The following NQO2 variants were observed in gnomAD, a reference collection of about 807,000 sequenced individuals.
NQO2 encodes ribosyldihydronicotinamide dehydrogenase [quinone].
Under a neutral mutation model 22.0 loss-of-function variants are expected in NQO2, and 18 were observed. The ratio of observed to expected loss-of-function variants is 0.82; its 90% confidence interval spans 0.56 to 1.21. The LOEUF (loss-of-function observed/expected upper bound fraction) is 1.21, where lower values mean the gene tolerates loss of function less well. Ranked by LOEUF, NQO2 falls within the 50% of genes most tolerant of loss-of-function variation. NQO2 has a pLI of 0.00. For synonymous variants in NQO2, 106 were observed against 110.8 expected (o/e 0.96, Z 0.28); for missense variants, 267 against 286.9 (o/e 0.93, Z 0.50).
chr6:3,015,574 G>T lies in NQO2; in HGVS notation c.348G>T (p.Trp116Cys). 6.2e-7 allele frequency: 1 copy of T among 1,614,180 alleles called. No homozygotes were observed. The highest frequency in any genetic ancestry group is 1.1e-5 in the South Asian group (1 of 91,090). ...GCGTGCCAGCCATCCTGAAGGGCTG[G>T]ATGGATAGGGTGCTGTGCCAGGGCT... ...WFSVPAILKG[W>C]MDRVLCQGFA... The change falls in exon 5 of 7, where the codon TGG becomes TGT. Residue 116 changes from tryptophan to cysteine, a missense_variant. Physicochemically the swap from Trp to Cys is radical, Grantham distance 215 (BLOSUM62 -2). Coordinates refer to ENST00000380455, the MANE Select transcript of NQO2 (RefSeq NM_000904.6).
intron 2 of NQO2, among the ~76,000 whole-genome samples, chr6:3,009,246 C>T (rs1757063987): frequency 6.6e-6 from 1 of 152,196 alleles, no homozygotes; most frequent in South Asian, 2.1e-4. Context: ...AAAAAGAATT[C>T]AGCGATATTT....
chr6:3,015,386 G>A, intron 4 of NQO2, 144 bp from the exon 5 acceptor site: 2 of 1,468,120 alleles, frequency 1.4e-6, no homozygotes, highest in Non-Finnish European at 1.8e-6. Context: ...ACCTTTCAGA[G>A]CTGACCATAA....
rs1312838238 is a variant in NQO2 at position 3,016,894 on chromosome 6, C to T, written c.428C>T (p.Ala143Val). ...YDSGLLQGKL[A>V]LLSVTTGGTA... ...CTTTCTCCCTTGCAGGGTAAACTAG[C>T]GCTCCTTTCCGTAACCACGGGAGGC... Residue 143 changes from alanine to valine, a missense_variant, in exon 6 of 7, where the codon GCG (alanine) becomes GTG (valine). Physicochemically the swap from Ala to Val is moderately conservative, Grantham distance 64 (BLOSUM62 0). Coordinates refer to ENST00000380455, the MANE Select transcript of NQO2 (RefSeq NM_000904.6). 11 of 1,613,630 alleles carry T rather than the reference C, an allele frequency of 6.8e-6. No homozygotes were observed. The highest frequency in any genetic ancestry group is 3.3e-5 in the South Asian group (3 of 91,082).
chr6:3,007,730 T>G (rs1460508195), intron 2 of NQO2, among the ~76,000 whole-genome samples: 1 of 152,242 alleles, frequency 6.6e-6, no homozygotes, highest in Non-Finnish European at 1.5e-5. Context: ...GTCCTCTTTG[T>G]TATCAGCATC....
intron 4 of NQO2, among the ~76,000 whole-genome samples, chr6:3,014,914 G>A (rs1044083303): frequency 2.0e-5 from 3 of 152,168 alleles, no homozygotes; most frequent in Non-Finnish European, 4.4e-5. Flanking sequence ...GGGTTTCAAT[G>A]CCAAGTCCTG....
intron 1 of NQO2, chr6:3,002,205 C>A: frequency 1.0e-6 from 1 of 985,380 alleles, no homozygotes; most frequent in African/African-American, 1.7e-5. Flanking sequence ...TTCATACAAA[C>A]AACATGATTT....
chr6:3,006,887 C>T lies in NQO2; in HGVS notation c.7+328C>T. 2.4e-6 allele frequency: 1 copy of T among 418,476 alleles called. No homozygotes were observed. The highest frequency in any genetic ancestry group is 4.2e-6 in the Non-Finnish European group (1 of 237,622). 25.9% of individuals were successfully genotyped at this position (418,476 alleles called of 1,614,324 possible). A position where few individuals can be genotyped will look rare whatever the true frequency, so the allele number is the denominator to read the frequency against. ...GTGCCTCCAGGCCCTGAAATTCTCC[C>T]TGGGCTGTAGCAGGGGCTCAAGTGA... On this transcript the variant is annotated intron_variant, in intron 2 of 6. Transcript: ENST00000380455. The surrounding 1 kb of genome is among the most constrained non-coding windows in gnomAD (Gnocchi z 4.0).
At chr6:3,016,804 G>C in intron 5 of NQO2, 80 bp from the exon 6 acceptor site, 1 of 1,565,782 alleles carries the variant, frequency 6.4e-7, no homozygotes, top group Non-Finnish European at 8.6e-7. Flanking sequence ...TGGCTGTGCT[G>C]AGCCCGTGTG....
rs201676246 is a variant in NQO2, at chr6:3,000,555, T to TC, written c.-86+474dup. On this transcript the variant is annotated intron_variant, in intron 1 of 6. Coordinates refer to ENST00000380455, the MANE Select transcript of NQO2 (RefSeq NM_000904.6). ...AAAAAAAAATCAGCTTTTTTTTTTT[T>TC]CCCCGAGACGGAGTCTCACTCTGTC... Among the ~76,000 whole-genome samples, 289 of 151,788 alleles carry TC rather than the reference T, an allele frequency of 1.9e-3. 2 individuals are homozygous for TC. Among genetic ancestry groups the TC allele is most frequent in the Admixed American group, 2.8e-3 (42 of 15,254 alleles).
At chr6:3,009,863 T>TA (rs1757083682) in intron 2 of NQO2, 162 bp from the exon 3 acceptor site, 43 of 916,692 alleles carry the variant, frequency 4.7e-5, no homozygotes, top group South Asian at 2.5e-4. Context: ...TGAGACTGTC[T>TA]AAAAAGAAGA....
chr6:3,004,633 G>C, intron 1 of NQO2: 5 of 985,518 alleles, frequency 5.1e-6, no homozygotes, highest in Non-Finnish European at 4.8e-6. Flanking sequence ...TTCAGGCCCT[G>C]CTCAAGATTC....
chr6:3,001,829 G>A (rs1756739593), intron 1 of NQO2, among the ~76,000 whole-genome samples: 1 of 152,208 alleles, frequency 6.6e-6, no homozygotes, highest in Non-Finnish European at 1.5e-5. Flanking sequence ...CTGGGTAGGT[G>A]CATAGTTTCT....
At chr6:3,015,688 G>A (rs1436877879) in intron 5 of NQO2, 45 bp downstream of exon 5, 1 of 1,562,892 alleles carries the variant, frequency 6.4e-7, no homozygotes. Flanking sequence ...TTGGAGGGAG[G>A]GGACAGAGGA....
intron 4 of NQO2, 55 bp from the exon 5 acceptor site, chr6:3,015,475 A>G: frequency 6.3e-7 from 1 of 1,590,522 alleles, no homozygotes; most frequent in African/African-American, 1.3e-5. Context: ...AAACTAAACT[A>G]GGAAACCTGA....
chr6:3,002,217 G>A (rs1756756977), intron 1 of NQO2: 7 of 985,254 alleles, frequency 7.1e-6, no homozygotes, highest in South Asian at 4.7e-5. Flanking sequence ...ACATGATTTC[G>A]GGCAATCACT....
chr6:3,012,512 G>A, intron 3 of NQO2, 32 bp from the exon 4 acceptor site: 1 of 1,613,432 alleles, frequency 6.2e-7, no homozygotes, highest in Non-Finnish European at 8.5e-7. Context: ...TGCCCACCTA[G>A]GAGTGAGAAT....
At chr6:3,005,795 C>T in intron 1 of NQO2, 1 of 985,386 alleles carries the variant, frequency 1.0e-6, no homozygotes. Context: ...CTGTCTCTCT[C>T]TCACTCTTCT....
chr6:3,013,948 C>T (rs995285437), intron 4 of NQO2, among the ~76,000 whole-genome samples: 50 of 152,196 alleles, frequency 3.3e-4, no homozygotes, highest in African/African-American at 1.1e-3. Context: ...TTCTCTCTCA[C>T]TGCTTGCCAG....
intron 6 of NQO2, 35 bp downstream of exon 6, chr6:3,017,020 G>GCACACGCACACACAGA: frequency 6.2e-7 from 1 of 1,605,202 alleles, no homozygotes; most frequent in East Asian, 2.2e-5. Context: ...TTGCTTGTTG[G>GCACACGCACACACAGA]CACACGCACA....
Sources: allele counts gnomAD v4.1 joint callset (sites outside exome capture counted in the v4.1 genomes callset), GRCh38; gene constraint gnomAD v4.1.1; non-coding constraint Gnocchi (gnomAD v3.1); transcripts MANE v1.5; gene names NCBI Gene and HGNC (gene_info 2026-07-23, HGNC 2026-07-21).